SYT16: variants seen among roughly 807,000 people sequenced by gnomAD.
The protein encoded by SYT16 is synaptotagmin 16, also known as synaptotagmin-16.
Under a neutral mutation model 61.4 loss-of-function variants are expected in SYT16, and 42 were observed. The ratio of observed to expected loss-of-function variants is 0.68; its 90% CI spans 0.53 to 0.89. The LOEUF is 0.89. Among genes scored for constraint, SYT16 ranks in the 40% least tolerant of loss-of-function variants. The probability of loss-of-function intolerance (pLI) is 0.00; values close to 1 mark genes in which losing one functional copy is unlikely to be tolerated. For synonymous variants in SYT16, 314 were observed against 302.3 expected (o/e 1.04, Z -0.40); for missense variants, 804 against 807.3 (o/e 1.00, Z 0.05).
intron 1 of SYT16, among the ~76,000 whole-genome samples, chr14:61,875,031 G>A (rs1160862869): frequency 6.6e-6 from 1 of 152,208 alleles, no homozygotes; most frequent in African/African-American, 2.4e-5. Flanking sequence ...GCAAAGTGCA[G>A]TTGTGGATCA....
Position 62,080,825 on chromosome 14 carries a change from C to G in SYT16, c.994-9C>G, listed in dbSNP as rs2056680599. The G allele has an allele frequency of 6.3e-7, 1 of 1,582,010 alleles. No individual in the cohort carries two copies. The highest frequency in any genetic ancestry group is 8.6e-7 in the Non-Finnish European group (1 of 1,162,298). On this transcript the variant is annotated splice_polypyrimidine_tract_variant and intron_variant, in intron 5 of 7. Coordinates refer to ENST00000683842, the MANE Select transcript of SYT16 (RefSeq NM_001367656.1). ...TTCCATTTCTAATTGTTTCCTCTGC[C>G]TGCAACAGGAACAGGACAGGACCAA...
At chr14:61,992,273 C>T (rs2052582973) in intron 2 of SYT16, among the ~76,000 whole-genome samples, 1 of 151,972 alleles carries the variant, frequency 6.6e-6, no homozygotes, top group Non-Finnish European at 1.5e-5. Context: ...AAACAGAAGT[C>T]AGGAAAGAGC....
chr14:61,945,875 A>T (rs1489178862), intron 1 of SYT16, among the ~76,000 whole-genome samples: 8 of 145,714 alleles, frequency 5.5e-5, no homozygotes, highest in African/African-American at 2.1e-4. Flanking sequence ...AAAAAAAAAA[A>T]AAAAAAAAAA....
intron 1 of SYT16, among the ~76,000 whole-genome samples, chr14:61,846,192 A>G (rs2046442032): frequency 6.6e-6 from 1 of 152,108 alleles, no homozygotes; most frequent in Non-Finnish European, 1.5e-5. Flanking sequence ...ATTAAATCTG[A>G]TGTTTCTTTA....
chr14:61,953,811 C>G (rs1230283903), intron 1 of SYT16, among the ~76,000 whole-genome samples: 2 of 152,180 alleles, frequency 1.3e-5, no homozygotes, highest in African/African-American at 4.8e-5. Flanking sequence ...TGACCTTGTT[C>G]ACTGCCTTTC....
chr14:61,827,698 G>C (rs1296014198), intron 1 of SYT16, among the ~76,000 whole-genome samples: 59 of 151,916 alleles, frequency 3.9e-4, no homozygotes, highest in Non-Finnish European at 1.0e-4. Context: ...ACACACTTTT[G>C]ATATTTTATT....
intron 1 of SYT16, chr14:61,865,379 C>T: frequency 3.1e-6 from 2 of 635,862 alleles, no homozygotes; most frequent in Non-Finnish European, 5.9e-6. Flanking sequence ...GAAGGGGCTG[C>T]TCTCCTCATT....
intron 3 of SYT16, among the ~76,000 whole-genome samples, chr14:62,031,763 C>A (rs147120282): frequency 6.6e-6 from 1 of 152,080 alleles, no homozygotes; most frequent in Non-Finnish European, 1.5e-5. Context: ...TGGTAACTTA[C>A]AATTGATCAA....
intron 3 of SYT16, among the ~76,000 whole-genome samples, chr14:62,057,249 C>A (rs1322212858): frequency 1.3e-5 from 2 of 152,202 alleles, no homozygotes; most frequent in Non-Finnish European, 2.9e-5. Context: ...ATCCTTCAGT[C>A]CAATCAAGTT....
chr14:62,070,103 T>G (rs1462328120), intron 4 of SYT16, among the ~76,000 whole-genome samples: 1 of 152,168 alleles, frequency 6.6e-6, no homozygotes, highest in Non-Finnish European at 1.5e-5. Flanking sequence ...TAGAATAGTA[T>G]TTGTTGAGCT....
chr14:61,818,851 G>A (rs1326459648), intron 1 of SYT16, among the ~76,000 whole-genome samples: 1 of 152,126 alleles, frequency 6.6e-6, no homozygotes, highest in Non-Finnish European at 1.5e-5. Context: ...GAACCTGCTT[G>A]TTCTTGTTTT....
chr14:62,039,134 A>G (rs1270254118), intron 3 of SYT16, among the ~76,000 whole-genome samples: 2 of 151,612 alleles, frequency 1.3e-5, no homozygotes, highest in Non-Finnish European at 2.9e-5. Context: ...TTCTTCAGTG[A>G]AGAAAAAAAT....
chr14:61,857,429 G>C (rs1359287155), intron 1 of SYT16, among the ~76,000 whole-genome samples: 1 of 152,224 alleles, frequency 6.6e-6, no homozygotes, highest in African/African-American at 2.4e-5. Flanking sequence ...CAGGGAACAT[G>C]ACATGTACCA....
intron 2 of SYT16, among the ~76,000 whole-genome samples, chr14:61,982,330 G>A (rs1003762910): frequency 6.6e-6 from 1 of 152,088 alleles, no homozygotes; most frequent in African/African-American, 2.4e-5. Flanking sequence ...AATTTATAAA[G>A]AAAAAGAAGT....
At chr14:62,092,796 G>A (rs1017001145) in intron 7 of SYT16, among the ~76,000 whole-genome samples, 2 of 151,940 alleles carry the variant, frequency 1.3e-5, no homozygotes, top group African/African-American at 4.8e-5. Flanking sequence ...AAGAGTTTTG[G>A]AGATGGATGG....
At chr14:61,933,776 A>G (rs530680710) in intron 1 of SYT16, among the ~76,000 whole-genome samples, 1 of 152,222 alleles carries the variant, frequency 6.6e-6, no homozygotes, top group South Asian at 2.1e-4. Flanking sequence ...AAGCGTTTGG[A>G]CATTTACAAA....
intron 3 of SYT16, among the ~76,000 whole-genome samples, chr14:62,026,909 T>C (rs1349517576): frequency 6.6e-6 from 1 of 152,220 alleles, no homozygotes; most frequent in African/African-American, 2.4e-5. Flanking sequence ...AGTTATATTT[T>C]TATTTTCAAC....
chr14:62,054,507 C>T (rs1215383014), intron 3 of SYT16, among the ~76,000 whole-genome samples: 5 of 151,892 alleles, frequency 3.3e-5, no homozygotes, highest in South Asian at 2.1e-4. Flanking sequence ...ACTACAGGTG[C>T]GTGCCACCAC....
intron 3 of SYT16, among the ~76,000 whole-genome samples, chr14:61,998,558 A>G (rs1216048506): frequency 6.6e-6 from 1 of 152,006 alleles, no homozygotes; most frequent in East Asian, 1.9e-4. Context: ...ATCATATTCC[A>G]TTGAATGAAT....
Sources: allele counts gnomAD v4.1 joint callset (sites outside exome capture counted in the v4.1 genomes callset), GRCh38; gene constraint gnomAD v4.1.1; transcripts MANE v1.5; gene names NCBI Gene and HGNC (gene_info 2026-07-23, HGNC 2026-07-21).